Variants in SESTD1 observed in about 807,000 individuals in gnomAD.
SESTD1 encodes SEC14 domain and spectrin repeat-containing protein 1.
SESTD1 carries 43 observed loss-of-function variants against 101.7 expected under a neutral mutation model. The observed-to-expected ratio is 0.42, with a 90% CI of 0.33 to 0.55. SESTD1 has a LOEUF of 0.55. Among genes scored for constraint, SESTD1 ranks in the 20% least tolerant of loss-of-function variants. SESTD1 has a pLI of 0.07. For missense variants in SESTD1, 647 were observed against 815.1 expected, an observed-to-expected ratio of 0.79 and a Z score of 2.51; for synonymous variants, 283 against 286.8, an observed-to-expected ratio of 0.99 and a Z score of 0.13.
At chr2:179,200,619 A>G (rs996648542) in intron 1 of SESTD1, among the ~76,000 whole-genome samples, 1 of 151,988 alleles carries the variant, frequency 6.6e-6, no homozygotes, top group Non-Finnish European at 1.5e-5. Context: ...ATAACGCTGG[A>G]TATCTACAAC....
At position 179,214,542 on chromosome 2, in the gene SESTD1, G is replaced by A. The variant is rs1450671386; in HGVS notation, c.-25-22676C>T. On this transcript the variant is annotated intron_variant, in intron 1 of 17. Coordinates refer to ENST00000428443, the MANE Select transcript of SESTD1 (RefSeq NM_178123.5). The stretch of plus-strand genomic sequence containing the variant: ...CTTAGACTCCCACACAATAATGGGA[G>A]AATTTAACACCCCACTGTCAATACT... Among the ~76,000 whole-genome samples the A allele has an allele frequency of 1.5e-5, 2 of 133,956 alleles. 1 individual carries two copies. Among genetic ancestry groups the A allele is most frequent in the Non-Finnish European group, 3.2e-5 (2 of 62,558 alleles). 87.9% of individuals were successfully genotyped at this position (133,956 alleles called of 152,430 possible). A position where few individuals can be genotyped will look rare whatever the true frequency, so the allele number is the denominator to read the frequency against.
rs981407284 is a variant in SESTD1, at chr2:179,103,818, A to G, written c.*6081T>C. On this transcript the variant is annotated 3_prime_UTR_variant, in exon 18 of 18. Coordinates refer to ENST00000428443, the MANE Select transcript of SESTD1 (RefSeq NM_178123.5). ...TAACGTTTCCTATTTCCATAGCACT[A>G]TATGCATTTGCCAAACCTCAGTGAA... is the stretch of plus-strand genomic sequence containing the variant. 2.0e-5 allele frequency: 3 copies of G among 152,112 alleles called. No homozygotes were observed. The highest frequency in any genetic ancestry group is 1.3e-4 in the Admixed American group (2 of 15,250). 9.4% of individuals were successfully genotyped at this position (152,112 alleles called of 1,614,324 possible).
At chr2:179,161,292 T>G (rs1194627441) in intron 5 of SESTD1, among the ~76,000 whole-genome samples, 1 of 152,082 alleles carries the variant, frequency 6.6e-6, no homozygotes. Flanking sequence ...CAAATGACAT[T>G]AAGGCTCTTC....
chr2:179,150,237 G>A (rs1356661530), intron 6 of SESTD1, among the ~76,000 whole-genome samples: 1 of 151,914 alleles, frequency 6.6e-6, no homozygotes, highest in Non-Finnish European at 1.5e-5. Flanking sequence ...AAACTGGGTG[G>A]AAACAGAATT....
chr2:179,114,835 C>A (rs1318225144), intron 16 of SESTD1, among the ~76,000 whole-genome samples: 1 of 152,132 alleles, frequency 6.6e-6, no homozygotes, highest in Admixed American at 6.5e-5. Context: ...AGAAGACTAC[C>A]AGGTGGTTCT....
chr2:179,109,812 T>C lies in SESTD1; in HGVS notation c.*87A>G, dbSNP rs1057173172. ...AATGAGACTTATTTTGGCTGTGAAATGCATCTTAAGGTGTGGTGGCTAATG... is the reference window on the plus strand; with the variant it reads ...AATGAGACTTATTTTGGCTGTGAAACGCATCTTAAGGTGTGGTGGCTAATG... On this transcript the variant is annotated 3_prime_UTR_variant, in exon 18 of 18. Coordinates refer to ENST00000428443, the MANE Select transcript of SESTD1 (RefSeq NM_178123.5). The C allele has an allele frequency of 1.1e-5, 16 of 1,493,474 alleles. No homozygotes were observed. In the Middle Eastern group the frequency reaches 5.4e-4, roughly 50 times the overall value. The allele number at this position is 1,493,474 out of a possible 1,614,324, so 92.5% of individuals were successfully genotyped here.
At chr2:179,223,428 G>A (rs865878033) in intron 1 of SESTD1, among the ~76,000 whole-genome samples, 3 of 151,828 alleles carry the variant, frequency 2.0e-5, no homozygotes, top group Non-Finnish European at 4.4e-5. Context: ...TTCATGATAC[G>A]TAAATTTCAC....
chr2:179,122,004 C>T (rs1559099552), intron 12 of SESTD1, 75 bp from the exon 13 acceptor site: 1 of 1,436,408 alleles, frequency 7.0e-7, no homozygotes, highest in East Asian at 2.5e-5. Flanking sequence ...ATCGTCTCAT[C>T]AGATATTGTA....
chr2:179,186,449 T>C (rs1474637729), intron 2 of SESTD1, among the ~76,000 whole-genome samples: 3 of 152,124 alleles, frequency 2.0e-5, no homozygotes, highest in Non-Finnish European at 4.4e-5. Context: ...TAATGGATAT[T>C]AACTCCTCCA....
chr2:179,102,808 G>C lies in SESTD1; in HGVS notation c.*7091C>G, dbSNP rs1429797954. The stretch of plus-strand genomic sequence containing the variant: ...TGGTATTGAATAAAGAGACAATATT[G>C]AAAATATTTTTAAACGCTAAAATGT... On this transcript the variant is annotated 3_prime_UTR_variant, in exon 18 of 18. Transcript: ENST00000428443. 1 of 151,974 alleles carries C rather than the reference G, an allele frequency of 6.6e-6. No individual in the cohort carries two copies. Among genetic ancestry groups the C allele is most frequent in the Non-Finnish European group, 1.5e-5 (1 of 67,998 alleles). 9.4% of individuals were successfully genotyped at this position (151,974 alleles called of 1,614,324 possible). A position where few individuals can be genotyped will look rare whatever the true frequency, so the allele number is the denominator to read the frequency against.
At chr2:179,230,110 T>C (rs1354508826) in intron 1 of SESTD1, among the ~76,000 whole-genome samples, 1 of 122,102 alleles carries the variant, frequency 8.2e-6, no homozygotes, top group Non-Finnish European at 1.7e-5. Context: ...CTGGATTGTA[T>C]CTCTTTTTTT....
At chr2:179,135,856 T>C (rs2045131627) in intron 9 of SESTD1, among the ~76,000 whole-genome samples, 1 of 152,176 alleles carries the variant, frequency 6.6e-6, no homozygotes, top group Non-Finnish European at 1.5e-5. Context: ...TAACTTTCTA[T>C]TGGCTAAACA....
At chr2:179,178,116 A>G (rs115324081) in intron 3 of SESTD1, among the ~76,000 whole-genome samples, 157 of 152,352 alleles carry the variant, frequency 1.0e-3, no homozygotes, top group South Asian at 8.3e-3. Flanking sequence ...GAAATTAGAT[A>G]GCATAATGGA....
chr2:179,132,161 C>G, intron 10 of SESTD1, 143 bp downstream of exon 10: 1 of 926,208 alleles, frequency 1.1e-6, no homozygotes, highest in Non-Finnish European at 1.5e-6. Flanking sequence ...TCAAAATGTA[C>G]TTTATGACCT....
intron 8 of SESTD1, 152 bp from the exon 9 acceptor site, chr2:179,143,955 A>AAC: frequency 1.4e-6 from 1 of 724,986 alleles, no homozygotes; most frequent in Non-Finnish European, 2.2e-6. Context: ...ATGTATCACA[A>AAC]TAAGTAGGAA....
intron 7 of SESTD1, among the ~76,000 whole-genome samples, chr2:179,148,006 T>C (rs2045433294): frequency 6.6e-6 from 1 of 152,236 alleles, no homozygotes; most frequent in Admixed American, 6.5e-5. Context: ...ATACAAAATT[T>C]CATAATTTTA....
At chr2:179,259,132 T>A (rs1012264875) in intron 1 of SESTD1, among the ~76,000 whole-genome samples, 1 of 152,214 alleles carries the variant, frequency 6.6e-6, no homozygotes, top group South Asian at 2.1e-4. Context: ...TGTTTCTTTA[T>A]CTATTAGAAA....
intron 1 of SESTD1, among the ~76,000 whole-genome samples, chr2:179,207,150 C>T (rs2046601090): frequency 7.5e-6 from 1 of 133,876 alleles, no homozygotes. Context: ...CTTGGGAGCT[C>T]TATGGCCACA....
intron 15 of SESTD1, among the ~76,000 whole-genome samples, chr2:179,115,594 A>G (rs564335239): frequency 3.9e-5 from 6 of 152,068 alleles, no homozygotes; most frequent in African/African-American, 1.4e-4. Flanking sequence ...AAAAAATGAA[A>G]AAAATTAGTT....
Sources: allele counts gnomAD v4.1 joint callset (sites outside exome capture counted in the v4.1 genomes callset), GRCh38; gene constraint gnomAD v4.1.1; transcripts MANE v1.5; gene names NCBI Gene and HGNC (gene_info 2026-07-23, HGNC 2026-07-21).